The following R3HDM2 variants were observed in gnomAD, a reference collection of about 807,000 sequenced individuals.
R3HDM2 encodes the protein R3H domain-containing protein 2.
A neutral mutation model predicts 124.5 loss-of-function variants in R3HDM2; 38 were observed. The observed-to-expected ratio is 0.31, with a 90% CI of 0.24 to 0.40. The LOEUF (loss-of-function observed/expected upper bound fraction) is 0.40, where lower values mean the gene tolerates loss of function less well. R3HDM2 is among the 10% of genes least tolerant of loss of function. The pLI, the probability that R3HDM2 is intolerant of heterozygous loss-of-function variation, is 1.00. For synonymous variants in R3HDM2, 391 were observed against 448.0 expected (o/e 0.87, Z 1.61); for missense variants, 869 against 1,236.9 (o/e 0.70, Z 4.46).
chr12:57,329,874 A>G lies in R3HDM2; in HGVS notation c.-35-19411T>C, dbSNP rs983632749. 3.3e-5 allele frequency among the ~76,000 whole-genome samples: 5 copies of G among 152,278 alleles called. No homozygotes were observed. In the South Asian group the frequency reaches 8.3e-4, roughly 25 times the overall value. ...AGCAATGTTTTATAGTTTTTATTGT[A>G]TAAGTCTCTCACGTCCTTGGTTAAT... is the stretch of plus-strand genomic sequence containing the variant. On this transcript the variant is annotated intron_variant, in intron 2 of 23. Coordinates refer to ENST00000402412, the MANE Select transcript of R3HDM2 (RefSeq NM_001394031.1).
intron 11 of R3HDM2, 105 bp from the exon 12 acceptor site, chr12:57,289,145 G>A (rs1256426163): frequency 8.9e-7 from 1 of 1,122,734 alleles, no homozygotes; most frequent in Non-Finnish European, 1.3e-6. Context: ...TCAAACCAAA[G>A]CTCACCCCAC....
At chr12:57,355,315 C>T (rs992697100) in intron 2 of R3HDM2, among the ~76,000 whole-genome samples, 2 of 151,238 alleles carry the variant, frequency 1.3e-5, no homozygotes, top group Admixed American at 6.6e-5. Context: ...AAAAATTAGC[C>T]GGGCGTAGTG....
chr12:57,263,483 T>G (rs375833151), intron 19 of R3HDM2, among the ~76,000 whole-genome samples: 17 of 152,216 alleles, frequency 1.1e-4, no homozygotes, highest in African/African-American at 4.1e-4. Flanking sequence ...CCTTTTTTTT[T>G]GTTTTGAGAC....
chr12:57,372,609 G>C (rs4760254), intron 2 of R3HDM2, among the ~76,000 whole-genome samples: 28,370 of 152,082 alleles, frequency 0.19, 3,111 homozygotes, highest in Admixed American at 0.28. Context: ...GGTACTATTT[G>C]GAAAGAGCAG....
At chr12:57,349,397 A>G (rs1309644111) in intron 2 of R3HDM2, among the ~76,000 whole-genome samples, 1 of 149,856 alleles carries the variant, frequency 6.7e-6, no homozygotes, top group Non-Finnish European at 1.5e-5. Flanking sequence ...AAAAAAAAAA[A>G]AAAAAAAAAA....
chr12:57,397,880 T>C (rs78515085), intron 1 of R3HDM2, among the ~76,000 whole-genome samples: 267 of 152,252 alleles, frequency 1.8e-3, no homozygotes, highest in African/African-American at 6.3e-3. Flanking sequence ...AATCATATCA[T>C]AATTAAAAGT....
intron 1 of R3HDM2, among the ~76,000 whole-genome samples, chr12:57,397,721 T>C (rs983647275): frequency 6.6e-6 from 1 of 152,170 alleles, no homozygotes; most frequent in African/African-American, 2.4e-5. Flanking sequence ...CCTTTCCCCA[T>C]TGGCACTCAA....
intron 19 of R3HDM2, among the ~76,000 whole-genome samples, chr12:57,264,429 A>C (rs1407616243): frequency 2.7e-5 from 4 of 147,022 alleles, no homozygotes; most frequent in African/African-American, 1.0e-4. Context: ...AAAATTAGCC[A>C]GGCATGGTGG....
At chr12:57,369,461 A>G (rs1224700567) in intron 2 of R3HDM2, among the ~76,000 whole-genome samples, 1 of 152,236 alleles carries the variant, frequency 6.6e-6, no homozygotes, top group African/African-American at 2.4e-5. Flanking sequence ...GCATGCCAGT[A>G]ATAAATAAGC....
chr12:57,340,360 C>T (rs929360257), intron 2 of R3HDM2, among the ~76,000 whole-genome samples: 12 of 152,176 alleles, frequency 7.9e-5, no homozygotes, highest in African/African-American at 2.4e-4. Flanking sequence ...AAATTATCCA[C>T]AAATTTGCTG....
intron 1 of R3HDM2, among the ~76,000 whole-genome samples, chr12:57,426,466 G>C (rs1167970783): frequency 6.6e-6 from 1 of 152,092 alleles, no homozygotes; most frequent in Non-Finnish European, 1.5e-5. Flanking sequence ...GAATTGGTGG[G>C]GTTGAGGGTA....
intron 2 of R3HDM2, among the ~76,000 whole-genome samples, chr12:57,311,375 G>A (rs542931059): frequency 3.3e-4 from 42 of 127,362 alleles, no homozygotes; most frequent in East Asian, 1.0e-3. Context: ...ACAGGTGCCC[G>A]CCACCACGCT....
chr12:57,388,293 G>A (rs558161033), intron 2 of R3HDM2, among the ~76,000 whole-genome samples: 2 of 152,332 alleles, frequency 1.3e-5, no homozygotes, highest in East Asian at 1.9e-4. Flanking sequence ...AAGGGATAAA[G>A]AAGAGGAGTA....
intron 2 of R3HDM2, among the ~76,000 whole-genome samples, chr12:57,340,714 G>C (rs763507892): frequency 6.6e-6 from 1 of 152,086 alleles, no homozygotes. Context: ...AAATAAACCA[G>C]CATATTTTTA....
chr12:57,272,543 A>G, intron 14 of R3HDM2: 2 of 1,363,026 alleles, frequency 1.5e-6, no homozygotes, highest in African/African-American at 3.1e-5. Flanking sequence ...AGGGCTGCAG[A>G]GCCGGGACTG....
In R3HDM2 at chr12:57,300,124, G is replaced by C; in HGVS notation, c.265C>G (p.Pro89Ala). 6.4e-7 allele frequency: 1 copy of C among 1,551,554 alleles called. No homozygotes were observed. Among genetic ancestry groups the C allele is most frequent in the African/African-American group, 1.4e-5 (1 of 73,116 alleles). Residue 89 changes from proline to alanine, a missense_variant, in exon 5 of 24, where the codon CCA (proline) becomes GCA (alanine). By Grantham distance (27) the Pro-to-Ala change is conservative. Coordinates refer to ENST00000402412, the MANE Select transcript of R3HDM2 (RefSeq NM_001394031.1). ...SLAVCEESST[P>A]FADGPLETQD... is the part of the protein sequence containing the mutation. ...GTTTCTAATGGCCCATCAGCAAATGGGGTGGAGGACTCCTCACACACTGCC... is the reference window on the plus strand; with the variant it reads ...GTTTCTAATGGCCCATCAGCAAATGCGGTGGAGGACTCCTCACACACTGCC...
intron 1 of R3HDM2, among the ~76,000 whole-genome samples, chr12:57,416,030 T>C (rs1327705671): frequency 2.0e-5 from 3 of 152,184 alleles, no homozygotes; most frequent in African/African-American, 7.2e-5. Context: ...TATAATATTA[T>C]TATATCACTG....
At chr12:57,402,302 A>T (rs2068113091) in intron 1 of R3HDM2, among the ~76,000 whole-genome samples, 1 of 152,054 alleles carries the variant, frequency 6.6e-6, no homozygotes, top group Non-Finnish European at 1.5e-5. Flanking sequence ...CTCAAAAAAA[A>T]AAAAAGTGCA....
intron 2 of R3HDM2, among the ~76,000 whole-genome samples, chr12:57,329,887 G>C (rs1259814189): frequency 6.6e-6 from 1 of 151,944 alleles, no homozygotes; most frequent in African/African-American, 2.4e-5. Flanking sequence ...AGTCTCTCAC[G>C]TCCTTGGTTA....
Sources: gnomAD v4.1 joint callset for allele counts (sites outside exome capture counted in the v4.1 genomes callset) on GRCh38, gnomAD v4.1.1 for gene constraint, MANE v1.5 for transcripts, NCBI Gene and HGNC (gene_info 2026-07-23, HGNC 2026-07-21) for gene names.